EDN2: variants seen among roughly 807,000 people sequenced by gnomAD.
EDN2 encodes the protein endothelin-2.
A neutral mutation model predicts 19.9 loss-of-function variants in EDN2; 10 were observed. That is an observed-to-expected ratio of 0.50 (90% CI 0.31 to 0.85). The LOEUF is 0.85. EDN2 is among the 40% of genes least tolerant of loss of function. The pLI, the probability that EDN2 is intolerant of heterozygous loss-of-function variation, is 0.05. For synonymous variants in EDN2, 84 were observed against 94.9 expected, an observed-to-expected ratio of 0.89 and a Z score of 0.67; for missense variants, 222 against 239.3, an observed-to-expected ratio of 0.93 and a Z score of 0.48.
At chr1:41,481,993 A>C (rs1329452986) in intron 3 of EDN2, among the ~76,000 whole-genome samples, 1 of 152,164 alleles carries the variant, frequency 6.6e-6, no homozygotes, top group Non-Finnish European at 1.5e-5. Flanking sequence ...CTCTGGGGCC[A>C]CCCTGGGATG....
intron 4 of EDN2, among the ~76,000 whole-genome samples, chr1:41,480,452 G>T (rs545095150): frequency 8.7e-4 from 132 of 152,204 alleles, no homozygotes; most frequent in Non-Finnish European, 1.6e-3. Flanking sequence ...ACCCCAGGCG[G>T]GGATGGATGG....
Position 41,484,654 on chromosome 1 carries a change from C to T in EDN2, c.-53G>A, listed in dbSNP as rs906960366. The T allele has an allele frequency of 3.2e-6, 5 of 1,545,294 alleles. No individual in the cohort carries two copies. The highest frequency in any genetic ancestry group is 2.4e-5 in the East Asian group (1 of 40,904). On this transcript the variant is annotated 5_prime_UTR_variant, in exon 1 of 5. Coordinates refer to ENST00000372587, the MANE Select transcript of EDN2 (RefSeq NM_001956.5). ...TGGAGCAGGGAGTGCCTGTTGCCAGCGTCCTGCTATTAAGCTGAGCAGATA... is the reference window on the plus strand; with the variant it reads ...TGGAGCAGGGAGTGCCTGTTGCCAGTGTCCTGCTATTAAGCTGAGCAGATA...
rs372858066 is a variant in EDN2, at chr1:41,479,372, G to C, written c.*37C>G. The C allele has an allele frequency of 2.6e-6, 4 of 1,552,574 alleles. No homozygotes were observed. The highest frequency in any genetic ancestry group is 3.3e-5 in the Admixed American group (2 of 59,898). On this transcript the variant is annotated 3_prime_UTR_variant, in exon 5 of 5. Coordinates refer to ENST00000372587, the MANE Select transcript of EDN2 (RefSeq NM_001956.5). ...GCCACTTCTCTCCTCCTCTCTCCCCGCGGGCTTCCTTCCCAATGTTCCTCC... is the reference window on the plus strand; with the variant it reads ...GCCACTTCTCTCCTCCTCTCTCCCCCCGGGCTTCCTTCCCAATGTTCCTCC...
rs1235690373 is a variant in EDN2, at chr1:41,484,558, A to G, written c.44T>C (p.Leu15Pro). 1 of 1,558,038 alleles carries G rather than the reference A, an allele frequency of 6.4e-7. No individual in the cohort carries two copies. The highest frequency in any genetic ancestry group is 8.7e-7 in the Non-Finnish European group (1 of 1,150,924). ...PTTWCSVALALLVALHEGKGQ... is the reference protein window; with the variant it reads ...PTTWCSVALAPLVALHEGKGQ... Reference sequence around the variant, plus strand: ...CTCACCTTCATGCAGGGCCACGAGCAGGGCTAGCGCAACGGAGCACCAGGT... The same window carrying G: ...CTCACCTTCATGCAGGGCCACGAGCGGGGCTAGCGCAACGGAGCACCAGGT... Residue 15 changes from leucine (L) to proline (P), a missense_variant, in exon 1 of 5, where the codon CTG becomes CCG. By Grantham distance (98) the Leu-to-Pro change is moderately conservative. Coordinates refer to ENST00000372587, the MANE Select transcript of EDN2 (RefSeq NM_001956.5).
intron 2 of EDN2, among the ~76,000 whole-genome samples, chr1:41,483,521 G>A (rs1025456005): frequency 6.6e-6 from 1 of 152,214 alleles, no homozygotes; most frequent in Non-Finnish European, 1.5e-5. Flanking sequence ...CAGTAGCACA[G>A]GGCAGGTTCT....
In EDN2 at chr1:41,481,123, T is replaced by A. The variant is rs946505486; in HGVS notation, c.415A>T (p.Thr139Ser). ...DVFQTGKTGATTGELLQRLRD... is the reference protein window; with the variant it reads ...DVFQTGKTGASTGELLQRLRD... ...AGCCTTTGGAGAAGCTCTCCTGTAGTGGCCCCTGTCTTGCCAGTCTGGAAC... is the reference window on the plus strand; with the variant it reads ...AGCCTTTGGAGAAGCTCTCCTGTAGAGGCCCCTGTCTTGCCAGTCTGGAAC... Residue 139 changes from threonine (T) to serine (S), a missense_variant, in exon 4 of 5, where the codon ACT becomes TCT. Physicochemically the swap from Thr to Ser is moderately conservative, Grantham distance 58. Coordinates refer to ENST00000372587, the MANE Select transcript of EDN2 (RefSeq NM_001956.5). The A allele has an allele frequency of 1.1e-5, 17 of 1,613,964 alleles. No individual in the cohort carries two copies. The highest frequency in any genetic ancestry group is 1.4e-5 in the Non-Finnish European group (16 of 1,180,024).
At chr1:41,481,264 G>A in intron 3 of EDN2, 71 bp from the exon 4 acceptor site, 1 of 1,334,066 alleles carries the variant, frequency 7.5e-7, no homozygotes, top group Non-Finnish European at 1.1e-6. Context: ...TGCAGGCCCA[G>A]CCCAGCCCCC....
rs1644227906 is a variant in EDN2 at position 41,479,408 on chromosome 1, A to G, written c.*1T>C. 2 of 1,613,338 alleles carry G rather than the reference A, an allele frequency of 1.2e-6. No individual in the cohort carries two copies. Among genetic ancestry groups the G allele is most frequent in the Non-Finnish European group, 1.7e-6 (2 of 1,179,326 alleles). ...TCCCAATGTTCCTCCAGCTCACGAC[A>G]CTATCTCTTCCTCCACCTGGAATGT... is the stretch of plus-strand genomic sequence containing the variant. On this transcript the variant is annotated 3_prime_UTR_variant, in exon 5 of 5. Coordinates refer to ENST00000372587, the MANE Select transcript of EDN2 (RefSeq NM_001956.5).
chr1:41,481,251 G>T, intron 3 of EDN2, 58 bp from the exon 4 acceptor site: 1 of 1,477,188 alleles, frequency 6.8e-7, no homozygotes, highest in Non-Finnish European at 9.4e-7. Flanking sequence ...GAAGCTACCT[G>T]GCTGCAGGCC....
At chr1:41,481,006 G>T in intron 4 of EDN2, 89 bp downstream of exon 4, 1 of 1,123,556 alleles carries the variant, frequency 8.9e-7, no homozygotes, top group East Asian at 2.4e-5. Flanking sequence ...TGCCCAATGA[G>T]GACCCAGGCC....
At chr1:41,483,563 T>A (rs999490217) in intron 2 of EDN2, among the ~76,000 whole-genome samples, 2 of 152,134 alleles carry the variant, frequency 1.3e-5, no homozygotes, top group Admixed American at 6.5e-5. Flanking sequence ...TCCTGCCTTA[T>A]GGGGAGGATG....
intron 2 of EDN2, among the ~76,000 whole-genome samples, chr1:41,483,272 C>T (rs11572350): frequency 0.088 from 13,386 of 152,292 alleles, 619 homozygotes; most frequent in Middle Eastern, 0.14. Flanking sequence ...GTTGGAGTCG[C>T]AGTGACTCCA....
intron 2 of EDN2, chr1:41,482,959 G>A (rs1355313536): frequency 6.2e-6 from 1 of 160,008 alleles, no homozygotes; most frequent in Non-Finnish European, 1.4e-5. Context: ...TCTCAGACAG[G>A]CTGGTCCCCC....
intron 3 of EDN2, 144 bp downstream of exon 3, chr1:41,482,322 C>T: frequency 9.7e-7 from 1 of 1,030,692 alleles, no homozygotes; most frequent in Non-Finnish European, 1.3e-6. Context: ...TGCCATGGAC[C>T]CAAAGCAGCC....
At position 41,479,468 on chromosome 1, in the gene EDN2, G is replaced by A. The variant is rs149418801; in HGVS notation, c.478C>T (p.Arg160Ter). Residue 160 changes from arginine to a stop codon, truncating the protein, a stop_gained, in exon 5 of 5, where the codon CGA becomes TGA. Transcript: ENST00000372587. LOFTEE classifies it low-confidence loss of function (END_TRUNC). ...ISTVKSLFAKRQQEAMREPRS... is the reference protein window; with the variant it reads ...ISTVKSLFAK The stretch of plus-strand genomic sequence containing the variant: ...GGCTCCCGCATGGCCTCCTGTTGTC[G>A]CTTGGCAAAGAGGCTCTTGACTGTG... 967 of 1,614,190 alleles carry A rather than the reference G, an allele frequency of 6.0e-4. 2 individuals carry two copies. The highest frequency in any genetic ancestry group is 7.7e-4 in the Non-Finnish European group (907 of 1,180,008).
In EDN2 at chr1:41,479,159, C is replaced by A; in HGVS notation, c.*250G>T. Reference sequence around the variant, plus strand: ...CAGTTCTTCCAGCAGAGCTGTGGGCCAGCAGCCAGCACTGGAGGCTGCTCC... The same window carrying A: ...CAGTTCTTCCAGCAGAGCTGTGGGCAAGCAGCCAGCACTGGAGGCTGCTCC... On this transcript the variant is annotated 3_prime_UTR_variant, in exon 5 of 5. Transcript: ENST00000372587. 1.7e-6 allele frequency: 1 copy of A among 604,232 alleles called. No homozygotes were observed. The highest frequency in any genetic ancestry group is 2.2e-5 in the Admixed American group (1 of 45,268). The allele number at this position is 604,232 out of a possible 1,614,324, so 37.4% of individuals were successfully genotyped here.
intron 1 of EDN2, 39 bp from the exon 2 acceptor site, chr1:41,484,242 T>C: frequency 6.2e-7 from 1 of 1,600,006 alleles, no homozygotes; most frequent in South Asian, 1.1e-5. Flanking sequence ...GAGAGGTGGG[T>C]TGGGGTGCCT....
At chr1:41,480,883 T>C in intron 4 of EDN2, 1 of 670,444 alleles carries the variant, frequency 1.5e-6, no homozygotes. Context: ...GGCCTAGTGG[T>C]AACAAAGAGC....
At chr1:41,480,564 G>A in intron 4 of EDN2, 1 of 367,094 alleles carries the variant, frequency 2.7e-6, no homozygotes, top group Non-Finnish European at 5.5e-6. Context: ...GCTGGGCTGG[G>A]GTTCAGATCA....
Sources: gnomAD v4.1 joint callset for allele counts (sites outside exome capture counted in the v4.1 genomes callset) on GRCh38, gnomAD v4.1.1 for gene constraint, MANE v1.5 for transcripts, NCBI Gene and HGNC (gene_info 2026-07-23, HGNC 2026-07-21) for gene names.